Variants in UPRT observed in about 807,000 individuals in gnomAD.
UPRT encodes RP11-311P8.3.
Under a neutral mutation model 22.6 loss-of-function variants are expected in UPRT, and 5 were observed. The ratio of observed to expected loss-of-function variants is 0.22; its 90% CI spans 0.12 to 0.47. UPRT has a LOEUF of 0.47. Among genes scored for constraint, UPRT ranks in the 20% least tolerant of loss-of-function variants. UPRT has a pLI of 0.99. For missense variants in UPRT, 181 were observed against 239.9 expected, an observed-to-expected ratio of 0.75 and a Z score of 1.62; for synonymous variants, 77 against 87.7, an observed-to-expected ratio of 0.88 and a Z score of 0.68.
At chrX:75,190,840 A>G (rs2082312475) in intron 4 of UPRT, among the ~76,000 whole-genome samples, 1 of 111,227 alleles carries the variant, frequency 9.0e-6, no homozygotes, top group African/African-American at 3.3e-5. Context: ...AGGTCATTTA[A>G]GGACTTCTCT....
At chrX:75,162,106 C>CTTTTTTT (rs5902736) in intron 2 of UPRT, among the ~76,000 whole-genome samples, 1 of 78,973 alleles carries the variant, frequency 1.3e-5, no homozygotes, top group Non-Finnish European at 2.5e-5. Flanking sequence ...TCTTTCTTTT[C>CTTTTTTT]TTTTTTTTTT....
chrX:75,234,869 T>G (rs1204736010), intron 4 of UPRT, among the ~76,000 whole-genome samples: 1 of 110,706 alleles, frequency 9.0e-6, no homozygotes, highest in Non-Finnish European at 1.9e-5. Context: ...ACATCACAAT[T>G]AAAAGAACTA....
intron 4 of UPRT, among the ~76,000 whole-genome samples, chrX:75,264,936 A>G (rs940519903): frequency 9.0e-6 from 1 of 111,703 alleles, no homozygotes; most frequent in East Asian, 2.8e-4. Context: ...TCCTTCACTT[A>G]TGAAGCTTAG....
chrX:75,192,784 CTTCT>C (rs957004076), intron 4 of UPRT, among the ~76,000 whole-genome samples: 1 of 111,761 alleles, frequency 8.9e-6, no homozygotes, highest in African/African-American at 3.3e-5. Flanking sequence ...ATAGCAACCC[CTTCT>C]TTCTTCTGTT....
At position 75,179,104 on chromosome X, in the gene UPRT, A is replaced by G. The variant is rs750493023; in HGVS notation, c.-447+11225A>G. Among the ~76,000 whole-genome samples the G allele has an allele frequency of 3.6e-5, 4 of 112,111 alleles. 1 individual carries two copies. In the South Asian group the frequency reaches 1.5e-3, roughly 42 times the overall value. ...TAGACACCAGAGTGTCGATTGGTGC[A>G]TTCATAAACCTTGAGCTAAACACAG... On this transcript the variant is annotated intron_variant, in intron 4 of 13. Transcript: ENST00000652605.
Position 75,293,508 on chromosome X carries a change from T to C in UPRT, c.423T>C (p.Asp141=), listed in dbSNP as rs2082715355. 1.7e-6 allele frequency: 2 copies of C among 1,203,578 alleles called. No homozygotes were observed. Among genetic ancestry groups the C allele is most frequent in the Non-Finnish European group, 2.2e-6 (2 of 892,278 alleles). ...GAGGTGACTTCATGTTTTCTGCGGA[T>C]CGTTTGGTAGGTGGGGGCTTTTCAT... is the stretch of plus-strand genomic sequence containing the variant. The part of the protein sequence containing the change: ...ASRGDFMFSA[D]RLIRLVVEEG... Residue 141 remains aspartate, a synonymous_variant, in exon 2 of 7, where the codon GAT becomes GAC. Transcript: ENST00000373383.
intron 4 of UPRT, among the ~76,000 whole-genome samples, chrX:75,232,973 A>C (rs1383659014): frequency 8.9e-6 from 1 of 112,271 alleles, no homozygotes; most frequent in Non-Finnish European, 1.9e-5. Context: ...AGGCTTCAGA[A>C]GATCAAATTA....
intron 4 of UPRT, among the ~76,000 whole-genome samples, chrX:75,180,976 A>G (rs1457968745): frequency 9.1e-6 from 1 of 110,040 alleles, no homozygotes. Context: ...ATTGTCTTCC[A>G]GGGTTTTTAT....
intron 4 of UPRT, among the ~76,000 whole-genome samples, chrX:75,178,240 G>A (rs1051688046): frequency 1.4e-4 from 16 of 112,107 alleles, no homozygotes; most frequent in Admixed American, 2.8e-4. Flanking sequence ...CGGCGGCTGC[G>A]CTAGTCGCTT....
chrX:75,220,875 A>G (rs1378656286), intron 4 of UPRT, among the ~76,000 whole-genome samples: 1 of 111,520 alleles, frequency 9.0e-6, no homozygotes, highest in Non-Finnish European at 1.9e-5. Flanking sequence ...ACAATGTTAT[A>G]TTATGTGTTT....
At chrX:75,217,232 G>A (rs1014487115) in intron 4 of UPRT, among the ~76,000 whole-genome samples, 17 of 110,890 alleles carry the variant, frequency 1.5e-4, no homozygotes, top group East Asian at 2.8e-4. Context: ...GTGTTGTTAC[G>A]TAGCGTGATG....
intron 3 of UPRT, among the ~76,000 whole-genome samples, chrX:75,166,581 C>CT (rs1008748051): frequency 4.3e-4 from 47 of 110,362 alleles, no homozygotes; most frequent in South Asian, 7.6e-4. Flanking sequence ...CTTTCCAATT[C>CT]TTTTTTTTTA....
At chrX:75,261,399 A>G (rs915971636) in intron 4 of UPRT, among the ~76,000 whole-genome samples, 2 of 112,199 alleles carry the variant, frequency 1.8e-5, no homozygotes, top group African/African-American at 3.2e-5. Context: ...CCTCTACCCA[A>G]ATAAACTAGA....
intron 4 of UPRT, among the ~76,000 whole-genome samples, chrX:75,185,750 G>A (rs1310979116): frequency 2.1e-4 from 23 of 111,940 alleles, no homozygotes; most frequent in African/African-American, 7.5e-4. Context: ...TTAGTCTTGG[G>A]AGGGTGTATG....
At chrX:75,283,433 T>G (rs2082667243) in intron 1 of UPRT, among the ~76,000 whole-genome samples, 1 of 111,611 alleles carries the variant, frequency 9.0e-6, no homozygotes, top group African/African-American at 3.3e-5. Flanking sequence ...TTGATGTGTT[T>G]CCAGGATTTG....
chrX:75,180,682 TTTTTTTTTTTTTG>T (rs1460242593), intron 4 of UPRT, among the ~76,000 whole-genome samples: 44 of 19,292 alleles, frequency 2.3e-3, no homozygotes, highest in African/African-American at 4.7e-3. Flanking sequence ...CTTTTCTCTG[TTTTTTTTTTTTTG>T]TTTTTTTTTT....
At chrX:75,233,070 C>T (rs2082445189) in intron 4 of UPRT, among the ~76,000 whole-genome samples, 2 of 111,304 alleles carry the variant, frequency 1.8e-5, no homozygotes, top group African/African-American at 3.3e-5. Context: ...ACTAGAATAA[C>T]CAATACAGAG....
chrX:75,293,518 G>A lies in UPRT; in HGVS notation c.429+4G>A, dbSNP rs1602496357. The A allele has an allele frequency of 1.7e-6, 2 of 1,195,147 alleles. No individual in the cohort carries two copies. The highest frequency in any genetic ancestry group is 6.0e-5 in the East Asian group (2 of 33,536). On this transcript the variant is annotated splice_donor_region_variant and intron_variant, in intron 2 of 6. Coordinates refer to ENST00000373383, the MANE Select transcript of UPRT (RefSeq NM_145052.4). ...CATGTTTTCTGCGGATCGTTTGGTA[G>A]GTGGGGGCTTTTCATTTTCATTTCA... is the stretch of plus-strand genomic sequence containing the variant.
chrX:75,216,973 C>T (rs976920396), intron 4 of UPRT, among the ~76,000 whole-genome samples: 2 of 111,629 alleles, frequency 1.8e-5, no homozygotes, highest in Non-Finnish European at 3.8e-5. Context: ...CCAGGATGGT[C>T]TCGATCTCCT....
Sources: gnomAD v4.1 joint callset for allele counts (sites outside exome capture counted in the v4.1 genomes callset) on GRCh38, gnomAD v4.1.1 for gene constraint, MANE v1.5 for transcripts, NCBI Gene and HGNC (gene_info 2026-07-23, HGNC 2026-07-21) for gene names.